The following FCHO2 variants were observed in gnomAD, a reference collection of about 807,000 sequenced individuals.
The protein encoded by FCHO2 is FCH and mu domain containing endocytic adaptor 2.
FCHO2 carries 43 observed loss-of-function variants against 114.1 expected under a neutral mutation model. The observed-to-expected ratio is 0.38, with a 90% CI of 0.30 to 0.49. FCHO2 has a LOEUF of 0.49. Among genes scored for constraint, FCHO2 ranks in the 20% least tolerant of loss-of-function variants. The probability of loss-of-function intolerance (pLI) is 0.97; values close to 1 mark genes in which losing one functional copy is unlikely to be tolerated. For missense variants in FCHO2, 807 were observed against 950.4 expected, an observed-to-expected ratio of 0.85 and a Z score of 1.98; for synonymous variants, 293 against 315.2, an observed-to-expected ratio of 0.93 and a Z score of 0.75.
intron 5 of FCHO2, chr5:72,996,964 C>T (rs1754152677): frequency 2.5e-6 from 4 of 1,607,406 alleles, no homozygotes; most frequent in Non-Finnish European, 3.4e-6. Flanking sequence ...CGTTCGTGGC[C>T]TTCGCCGCCA....
chr5:73,013,545 G>A (rs901201589), intron 6 of FCHO2, among the ~76,000 whole-genome samples: 1 of 152,148 alleles, frequency 6.6e-6, no homozygotes, highest in Non-Finnish European at 1.5e-5. Context: ...GACTATTATT[G>A]CTCTGTGAGA....
chr5:73,066,810 CA>C (rs1364404069), intron 18 of FCHO2, among the ~76,000 whole-genome samples: 1 of 151,892 alleles, frequency 6.6e-6, no homozygotes, highest in Non-Finnish European at 1.5e-5. Flanking sequence ...ATTGGAAATT[CA>C]GGGGAGGGGC....
intron 2 of FCHO2, among the ~76,000 whole-genome samples, chr5:72,974,799 T>G (rs200574450): frequency 5.3e-5 from 8 of 152,160 alleles, no homozygotes; most frequent in Non-Finnish European, 1.0e-4. Context: ...TTCCTAGTCT[T>G]GATGGTCTTT....
chr5:73,027,054 G>T (rs966654475), intron 8 of FCHO2, among the ~76,000 whole-genome samples: 2 of 147,482 alleles, frequency 1.4e-5, no homozygotes, highest in African/African-American at 5.0e-5. Flanking sequence ...GTAATGGCTG[G>T]TTCCTCTGGA....
chr5:72,988,813 A>C (rs955828815), intron 2 of FCHO2, among the ~76,000 whole-genome samples: 1 of 152,248 alleles, frequency 6.6e-6, no homozygotes, highest in African/African-American at 2.4e-5. Context: ...ATCACAGTGA[A>C]CCAGCTTACA....
rs559923630 is a variant in FCHO2 at position 73,023,737 on chromosome 5, A to G, written c.796+6429A>G. On this transcript the variant is annotated intron_variant, in intron 8 of 25. Transcript: ENST00000430046. ...AAAGTAATGTAGTCCAAACACATTTATTTAACACACAGAAATATGTTGGAA... is the reference window on the plus strand; with the variant it reads ...AAAGTAATGTAGTCCAAACACATTTGTTTAACACACAGAAATATGTTGGAA... Among the ~76,000 whole-genome samples the G allele has an allele frequency of 5.1e-4, 78 of 152,180 alleles. 1 individual carries two copies. The highest frequency in any genetic ancestry group is 1.9e-3 in the African/African-American group (77 of 41,552).
chr5:73,085,395 C>T (rs920098232), intron 24 of FCHO2, among the ~76,000 whole-genome samples: 1 of 152,142 alleles, frequency 6.6e-6, no homozygotes, highest in Non-Finnish European at 1.5e-5. Flanking sequence ...AAGTTTCCCT[C>T]TGCTATTCAG....
At chr5:72,985,153 A>C (rs1460843004) in intron 2 of FCHO2, among the ~76,000 whole-genome samples, 1 of 151,954 alleles carries the variant, frequency 6.6e-6, no homozygotes, top group Non-Finnish European at 1.5e-5. Flanking sequence ...AGCATGATCA[A>C]ATTCTATTCA....
intron 1 of FCHO2, among the ~76,000 whole-genome samples, chr5:72,965,920 T>C (rs1265349617): frequency 6.6e-6 from 1 of 152,170 alleles, no homozygotes; most frequent in Non-Finnish European, 1.5e-5. Context: ...AGGTTAGGCA[T>C]GTTATTGGTG....
chr5:73,084,155 A>G (rs1422590623), intron 24 of FCHO2, among the ~76,000 whole-genome samples: 1 of 152,320 alleles, frequency 6.6e-6, no homozygotes, highest in Middle Eastern at 3.4e-3. Flanking sequence ...AGTCTTTAAC[A>G]TAGTCTTATT....
chr5:73,032,098 G>C (rs1756267700), intron 8 of FCHO2, among the ~76,000 whole-genome samples: 1 of 152,176 alleles, frequency 6.6e-6, no homozygotes, highest in Non-Finnish European at 1.5e-5. Flanking sequence ...CTACAGGGGG[G>C]GTCAGAATGT....
chr5:73,013,134 C>T (rs574333337), intron 6 of FCHO2, among the ~76,000 whole-genome samples: 24 of 152,278 alleles, frequency 1.6e-4, no homozygotes, highest in South Asian at 4.1e-4. Context: ...ACTGTATTCT[C>T]GTTGACTTGG....
chr5:73,048,067 C>G (rs185037624), intron 11 of FCHO2, among the ~76,000 whole-genome samples: 22 of 144,104 alleles, frequency 1.5e-4, no homozygotes, highest in African/African-American at 5.6e-4. Context: ...TCTCGAACTC[C>G]TGGGCTCAAG....
intron 5 of FCHO2, among the ~76,000 whole-genome samples, chr5:72,991,784 G>T (rs1042384683): frequency 1.7e-4 from 26 of 152,142 alleles, no homozygotes; most frequent in African/African-American, 5.8e-4. Context: ...TGTACCAATT[G>T]TATGATTATG....
intron 1 of FCHO2, among the ~76,000 whole-genome samples, chr5:72,962,544 A>T (rs1432102996): frequency 6.6e-6 from 1 of 152,140 alleles, no homozygotes; most frequent in African/African-American, 2.4e-5. Flanking sequence ...TGGAAACTTA[A>T]AAAGGAAGGG....
chr5:73,083,967 CT>C (rs1377224423), intron 24 of FCHO2, among the ~76,000 whole-genome samples: 1 of 151,602 alleles, frequency 6.6e-6, no homozygotes, highest in African/African-American at 2.4e-5. Flanking sequence ...CCATTTCCCC[CT>C]ATTAAAGCTA....
At chr5:72,997,622 C>T in intron 5 of FCHO2, 1 of 1,431,734 alleles carries the variant, frequency 7.0e-7, no homozygotes, top group Admixed American at 1.7e-5. Flanking sequence ...GAGCCGCAAC[C>T]TTCACCAGTA....
At chr5:72,969,785 GT>G (rs1237944832) in intron 2 of FCHO2, among the ~76,000 whole-genome samples, 1 of 152,122 alleles carries the variant, frequency 6.6e-6, no homozygotes, top group Non-Finnish European at 1.5e-5. Context: ...TCCATAGTAT[GT>G]ATAACTGTCT....
In FCHO2 at chr5:72,956,118, G is replaced by C; in HGVS notation, c.22G>C (p.Glu8Gln). The change falls in exon 1 of 26, where the codon GAG becomes CAG. Residue 8 changes from glutamate to glutamine, a missense_variant. By Grantham distance (29) the Glu-to-Gln change is conservative. Coordinates refer to ENST00000430046, the MANE Select transcript of FCHO2 (RefSeq NM_138782.3). ...CACGATGGTCATGGCGTATTTCGTC[G>C]AGAATTTTTGGGTAAGCTTAGGATG... is the stretch of plus-strand genomic sequence containing the variant. MVMAYFV[E>Q]NFWGEKNSGF... 6.5e-7 allele frequency: 1 copy of C among 1,541,386 alleles called. No homozygotes were observed. The highest frequency in any genetic ancestry group is 8.7e-7 in the Non-Finnish European group (1 of 1,142,922).
Sources: gnomAD v4.1 joint callset for allele counts (sites outside exome capture counted in the v4.1 genomes callset) on GRCh38, gnomAD v4.1.1 for gene constraint, MANE v1.5 for transcripts, NCBI Gene and HGNC (gene_info 2026-07-23, HGNC 2026-07-21) for gene names.